The following AJAP1 variants were observed in gnomAD, a reference collection of about 807,000 sequenced individuals.
AJAP1 encodes adherens junction-associated protein 1.
Under a neutral mutation model 35.0 loss-of-function variants are expected in AJAP1, and 5 were observed. The observed-to-expected ratio is 0.14, with a 90% confidence interval of 0.07 to 0.30. The LOEUF is 0.30. Among genes scored for constraint, AJAP1 ranks in the 10% least tolerant of loss-of-function variants. The pLI is 1.00. For missense variants in AJAP1, 586 were observed against 571.0 expected (o/e 1.03, Z -0.27); for synonymous variants, 284 against 249.3 (o/e 1.14, Z -1.31).
intron 5 of AJAP1, among the ~76,000 whole-genome samples, chr1:4,778,126 G>A (rs1219030437): frequency 6.6e-6 from 1 of 152,242 alleles, no homozygotes. Flanking sequence ...ATGCAGCCCA[G>A]TGGGGCCAGG....
intron 1 of AJAP1, among the ~76,000 whole-genome samples, chr1:4,698,087 A>G (rs533089730): frequency 2.0e-5 from 3 of 152,286 alleles, no homozygotes; most frequent in East Asian, 1.9e-4. Context: ...GAAAATGGGA[A>G]CTTTCTATAG....
chr1:4,742,785 G>A (rs1641099725), intron 2 of AJAP1, among the ~76,000 whole-genome samples: 1 of 152,158 alleles, frequency 6.6e-6, no homozygotes, highest in Non-Finnish European at 1.5e-5. Flanking sequence ...GGTAGAAAAT[G>A]GTTTAGGGTT....
chr1:4,657,487 G>A (rs1293751768), intron 1 of AJAP1, among the ~76,000 whole-genome samples: 1 of 152,192 alleles, frequency 6.6e-6, no homozygotes. Flanking sequence ...TGGGGACTCT[G>A]AGCCAAAGGG....
chr1:4,782,518 A>G lies in AJAP1; in HGVS notation c.*60-27A>G. ...CGCGCCCTCGGCGTGCTGCCATTTA[A>G]TCTCTTCTTGTTTTCTTTCCACACA... On this transcript the variant is annotated intron_variant, in intron 5 of 5. Coordinates refer to ENST00000378191, the MANE Select transcript of AJAP1 (RefSeq NM_018836.4). The surrounding 1 kb of genome is among the most constrained non-coding windows in gnomAD (Gnocchi z 5.3). 1 of 372,830 alleles carries G rather than the reference A, an allele frequency of 2.7e-6. No individual in the cohort carries two copies. Among genetic ancestry groups the G allele is most frequent in the South Asian group, 1.5e-4 (1 of 6,754 alleles). The allele number at this position is 372,830 out of a possible 1,614,324, so 23.1% of individuals were successfully genotyped here. A position where few individuals can be genotyped will look rare whatever the true frequency, so the allele number is the denominator to read the frequency against.
rs1421491037 is a variant in AJAP1, at chr1:4,690,147, G to C, written c.30-21753G>C. Among the ~76,000 whole-genome samples, 6 of 152,190 alleles carry C rather than the reference G, an allele frequency of 3.9e-5. No homozygotes were observed. The East Asian group carries it at 1.2e-3, about 29-fold the overall frequency. Reference sequence around the variant, plus strand: ...GAGCATGGGGCGACACCAGTGCCCAGGGCCAGGAAATGTCCCTAAACCCCC... The same window carrying C: ...GAGCATGGGGCGACACCAGTGCCCACGGCCAGGAAATGTCCCTAAACCCCC... On this transcript the variant is annotated intron_variant, in intron 1 of 5. Coordinates refer to ENST00000378191, the MANE Select transcript of AJAP1 (RefSeq NM_018836.4).
At chr1:4,730,531 G>A (rs1271267159) in intron 2 of AJAP1, among the ~76,000 whole-genome samples, 9 of 152,238 alleles carry the variant, frequency 5.9e-5, no homozygotes, top group East Asian at 1.9e-4. Context: ...TGTTGCGTGT[G>A]TGATTGATTC....
chr1:4,660,009 C>G (rs1037201558), intron 1 of AJAP1, among the ~76,000 whole-genome samples: 1 of 152,254 alleles, frequency 6.6e-6, no homozygotes, highest in Admixed American at 6.5e-5. Flanking sequence ...TGCAAAGCTG[C>G]CCCGAGCTGC....
chr1:4,664,484 G>C (rs907015852), intron 1 of AJAP1, among the ~76,000 whole-genome samples: 3 of 152,174 alleles, frequency 2.0e-5, no homozygotes, highest in Non-Finnish European at 4.4e-5. Flanking sequence ...CAGCCTGTCC[G>C]GGTGGTTGGG....
rs924124528 is a variant in AJAP1, at chr1:4,786,605, G to A, written c.*4120G>A. On this transcript the variant is annotated 3_prime_UTR_variant, in exon 6 of 6. Transcript: ENST00000378191. ...TGAAAGGTGAACGCACCAAAGGATC[G>A]ACCCTGTCACCTTGGATGGTCTCTA... The A allele has an allele frequency of 2.6e-5, 4 of 152,176 alleles. No homozygotes were observed. Among genetic ancestry groups the A allele is most frequent in the African/African-American group, 7.2e-5 (3 of 41,436 alleles). The allele number at this position is 152,176 out of a possible 1,614,324, so 9.4% of individuals were successfully genotyped here.
chr1:4,703,942 C>T (rs979917495), intron 1 of AJAP1, among the ~76,000 whole-genome samples: 10 of 152,228 alleles, frequency 6.6e-5, no homozygotes, highest in Admixed American at 2.0e-4. Flanking sequence ...GTCTGCCCTC[C>T]GGATGGAGCC....
chr1:4,702,532 T>C (rs1276853921), intron 1 of AJAP1, among the ~76,000 whole-genome samples: 1 of 152,206 alleles, frequency 6.6e-6, no homozygotes, highest in African/African-American at 2.4e-5. Context: ...TTCACAACCC[T>C]TCCTGGGGTC....
intron 2 of AJAP1, among the ~76,000 whole-genome samples, chr1:4,722,707 C>A (rs975476002): frequency 6.6e-6 from 1 of 152,198 alleles, no homozygotes; most frequent in Non-Finnish European, 1.5e-5. Flanking sequence ...GGCTTGTGGC[C>A]GCATCACTCC....
At chr1:4,689,454 G>A (rs976606121) in intron 1 of AJAP1, among the ~76,000 whole-genome samples, 5 of 152,192 alleles carry the variant, frequency 3.3e-5, no homozygotes, top group African/African-American at 4.8e-5. Context: ...GGCGGGGGGC[G>A]TTCCTGGCAG....
Position 4,723,342 on chromosome 1 carries a change from G to A in AJAP1, c.829+10643G>A, listed in dbSNP as rs753249077. ...TCCTGAGTCTGCCACTCGGGGGCTGGTGCAGCCCGGAGTAGAAGCTCAGCG... is the reference window on the plus strand; with the variant it reads ...TCCTGAGTCTGCCACTCGGGGGCTGATGCAGCCCGGAGTAGAAGCTCAGCG... On this transcript the variant is annotated intron_variant, in intron 2 of 5. Transcript: ENST00000378191. The surrounding 1 kb of genome is among the most constrained non-coding windows in gnomAD (Gnocchi z 4.3). Among the ~76,000 whole-genome samples, 6 of 152,198 alleles carry A rather than the reference G, an allele frequency of 3.9e-5. No homozygotes were observed. The highest frequency in any genetic ancestry group is 9.6e-5 in the African/African-American group (4 of 41,458).
chr1:4,669,190 A>G (rs1186676693), intron 1 of AJAP1, among the ~76,000 whole-genome samples: 1 of 152,164 alleles, frequency 6.6e-6, no homozygotes, highest in Non-Finnish European at 1.5e-5. Flanking sequence ...CTAAAAGGAA[A>G]CTCCATGTCT....
intron 5 of AJAP1, among the ~76,000 whole-genome samples, chr1:4,779,431 T>G (rs1454285853): frequency 6.6e-6 from 1 of 151,484 alleles, no homozygotes; most frequent in African/African-American, 2.4e-5. Flanking sequence ...CGCCTCCACC[T>G]TCACACGGGA....
Position 4,789,230 on chromosome 1 carries a change from A to T in AJAP1, c.*6745A>T, listed in dbSNP as rs1278344467. The T allele has an allele frequency of 6.6e-6, 1 of 152,248 alleles. No homozygotes were observed. The highest frequency in any genetic ancestry group is 1.5e-5 in the Non-Finnish European group (1 of 68,044). 9.4% of individuals were successfully genotyped at this position (152,248 alleles called of 1,614,324 possible). A position where few individuals can be genotyped will look rare whatever the true frequency, so the allele number is the denominator to read the frequency against. ...ATATAAATGACCTACTTGTCTTCTC[A>T]TGTAGGCTGGAATCAGAACCTACGT... is the stretch of plus-strand genomic sequence containing the variant. On this transcript the variant is annotated 3_prime_UTR_variant, in exon 6 of 6. Coordinates refer to ENST00000378191, the MANE Select transcript of AJAP1 (RefSeq NM_018836.4). This position sits in a 1 kb window ranked among gnomAD's most constrained non-coding sequence, Gnocchi z 4.4.
chr1:4,739,325 T>G (rs182134887), intron 2 of AJAP1, among the ~76,000 whole-genome samples: 2 of 152,274 alleles, frequency 1.3e-5, no homozygotes, highest in Non-Finnish European at 2.9e-5. Context: ...CTGCCGGCCT[T>G]GGAAAGTGGG....
chr1:4,779,600 C>G lies in AJAP1; in HGVS notation c.*60-2945C>G, dbSNP rs1438268417. Among the ~76,000 whole-genome samples, 5 of 152,110 alleles carry G rather than the reference C, an allele frequency of 3.3e-5. No individual in the cohort carries two copies. In the South Asian group the frequency reaches 1.0e-3, roughly 32 times the overall value. On this transcript the variant is annotated intron_variant, in intron 5 of 5. Transcript: ENST00000378191. Reference sequence around the variant, plus strand: ...AAAGCAGCCGGGGCCACAGTTCAGGCAGGAAACTATTCTTATTAAGGTGGC... The same window carrying G: ...AAAGCAGCCGGGGCCACAGTTCAGGGAGGAAACTATTCTTATTAAGGTGGC...
Sources: allele counts gnomAD v4.1 joint callset (sites outside exome capture counted in the v4.1 genomes callset), GRCh38; gene constraint gnomAD v4.1.1; non-coding constraint Gnocchi (gnomAD v3.1); transcripts MANE v1.5; gene names NCBI Gene and HGNC (gene_info 2026-07-23, HGNC 2026-07-21).